EXOC4: variants seen among roughly 807,000 people sequenced by gnomAD.
EXOC4 encodes the protein exocyst complex component 4, also known as SEC8-like 1.
A neutral mutation model predicts 107.2 loss-of-function variants in EXOC4; 71 were observed. That is an observed-to-expected ratio of 0.66 (90% CI 0.55 to 0.81). The LOEUF (loss-of-function observed/expected upper bound fraction) is 0.81. Among genes scored for constraint, EXOC4 ranks in the 30% least tolerant of loss-of-function variants. EXOC4 has a pLI of 0.00. For synonymous variants in EXOC4, 456 were observed against 441.2 expected (o/e 1.03, Z -0.42); for missense variants, 1,108 against 1,189.6 (o/e 0.93, Z 1.01).
intron 11 of EXOC4, among the ~76,000 whole-genome samples, chr7:133,845,350 G>GTA (rs1798103779): frequency 6.7e-6 from 1 of 149,116 alleles, no homozygotes; most frequent in Non-Finnish European, 1.5e-5. Context: ...GTGTGTGTGT[G>GTA]TGTGTGTGTG....
intron 17 of EXOC4, among the ~76,000 whole-genome samples, chr7:134,039,782 C>G (rs868240246): frequency 6.6e-6 from 1 of 152,196 alleles, no homozygotes; most frequent in Admixed American, 6.5e-5. Flanking sequence ...TGATAGCATT[C>G]TCATTCAGGA....
intron 7 of EXOC4, among the ~76,000 whole-genome samples, chr7:133,474,869 G>T (rs959594830): frequency 1.8e-4 from 28 of 151,996 alleles, no homozygotes; most frequent in African/African-American, 5.8e-4. Context: ...TATAATCTGT[G>T]AATTTATCTG....
chr7:133,804,588 A>C (rs1797027962), intron 10 of EXOC4, among the ~76,000 whole-genome samples: 1 of 152,208 alleles, frequency 6.6e-6, no homozygotes, highest in East Asian at 1.9e-4. Flanking sequence ...CCATGGAGCC[A>C]GTTTGTTTCT....
intron 10 of EXOC4, among the ~76,000 whole-genome samples, chr7:133,705,904 CAATT>C (rs1208041015): frequency 5.3e-5 from 8 of 152,132 alleles, no homozygotes; most frequent in African/African-American, 1.9e-4. Flanking sequence ...TTTTGGAACA[CAATT>C]GACTGCAGAT....
At chr7:133,774,405 A>T (rs961240455) in intron 10 of EXOC4, among the ~76,000 whole-genome samples, 1 of 152,176 alleles carries the variant, frequency 6.6e-6, no homozygotes, top group Admixed American at 6.5e-5. Context: ...AAAAGAATGC[A>T]ACCAAAGATG....
intron 1 of EXOC4, chr7:133,253,573 G>A: frequency 9.3e-6 from 9 of 969,336 alleles, no homozygotes; most frequent in Non-Finnish European, 1.1e-5. Context: ...TTGTTTCCTG[G>A]ACTTTGGGGT....
chr7:133,253,533 C>T, intron 1 of EXOC4: 6 of 1,020,590 alleles, frequency 5.9e-6, no homozygotes, highest in Non-Finnish European at 7.0e-6. Context: ...TTATTGTTTG[C>T]CTGTAGCAGC....
chr7:133,972,011 C>T (rs945600069), intron 14 of EXOC4, among the ~76,000 whole-genome samples: 4 of 80 alleles, frequency 0.05, no homozygotes, highest in South Asian at 0.29. Flanking sequence ...ATTTTCTTCC[C>T]ATTCTCTTGA....
At chr7:133,745,150 T>C (rs770956572) in intron 10 of EXOC4, among the ~76,000 whole-genome samples, 1 of 152,128 alleles carries the variant, frequency 6.6e-6, no homozygotes, top group Non-Finnish European at 1.5e-5. Context: ...TTTATTTTTG[T>C]TGCTTCCATT....
intron 9 of EXOC4, among the ~76,000 whole-genome samples, chr7:133,578,046 A>G (rs1285823954): frequency 6.6e-6 from 1 of 152,158 alleles, no homozygotes; most frequent in African/African-American, 2.4e-5. Context: ...CCCCTAATAA[A>G]TAGATGCAAA....
intron 7 of EXOC4, among the ~76,000 whole-genome samples, chr7:133,408,906 A>G (rs1204915043): frequency 2.0e-5 from 3 of 152,212 alleles, no homozygotes; most frequent in Non-Finnish European, 4.4e-5. Flanking sequence ...TGCATATTTC[A>G]GTATCCAACA....
intron 7 of EXOC4, among the ~76,000 whole-genome samples, chr7:133,386,824 A>AG (rs1414931241): frequency 1.6e-5 from 2 of 128,200 alleles, no homozygotes; most frequent in Non-Finnish European, 3.3e-5. Context: ...ATGAAAGGAG[A>AG]GTTTTTTTTT....
chr7:133,447,182 C>T (rs1031674725), intron 7 of EXOC4: 2 of 152,162 alleles, frequency 1.3e-5, no homozygotes, highest in African/African-American at 2.4e-5. Context: ...CCAGTATGTT[C>T]TATAAAATAC....
At chr7:134,016,090 A>G (rs971179479) in intron 17 of EXOC4, among the ~76,000 whole-genome samples, 1 of 152,112 alleles carries the variant, frequency 6.6e-6, no homozygotes, top group African/African-American at 2.4e-5. Flanking sequence ...ACTACAGTCA[A>G]GTAAGATAAG....
In EXOC4 at chr7:133,915,571, G is replaced by T. The variant is rs117888334; in HGVS notation, c.1872-2012G>T. Among the ~76,000 whole-genome samples the T allele has an allele frequency of 4.6e-5, 7 of 152,274 alleles. No individual in the cohort carries two copies. In the East Asian group the frequency reaches 1.2e-3, roughly 25 times the overall value. On this transcript the variant is annotated intron_variant, in intron 12 of 17. Transcript: ENST00000253861. ...TAGCTACTAAGATAAATGGGGAGAT[G>T]AACCTGATCAGAGACAGGTATAAAG...
intron 10 of EXOC4, among the ~76,000 whole-genome samples, chr7:133,755,180 T>C (rs1007296172): frequency 7.0e-6 from 1 of 142,534 alleles, no homozygotes; most frequent in Non-Finnish European, 1.5e-5. Flanking sequence ...CTTCACACTA[T>C]GAAACAGTTA....
intron 14 of EXOC4, among the ~76,000 whole-genome samples, chr7:133,975,464 A>G (rs1054148417): frequency 1.2e-4 from 18 of 152,214 alleles, no homozygotes; most frequent in African/African-American, 4.1e-4. Context: ...GTAAAAATTT[A>G]TAATCTTTAA....
chr7:133,579,917 G>T (rs1180718619), intron 9 of EXOC4, among the ~76,000 whole-genome samples: 1 of 152,056 alleles, frequency 6.6e-6, no homozygotes, highest in African/African-American at 2.4e-5. Flanking sequence ...GGATGGTCTT[G>T]ATCTCTTGAC....
At chr7:133,595,673 A>C (rs1330152799) in intron 9 of EXOC4, among the ~76,000 whole-genome samples, 1 of 152,206 alleles carries the variant, frequency 6.6e-6, no homozygotes, top group Admixed American at 6.5e-5. Context: ...GTGATCAGAG[A>C]GGTTTAGAAA....
Sources: allele counts gnomAD v4.1 joint callset (sites outside exome capture counted in the v4.1 genomes callset), GRCh38; gene constraint gnomAD v4.1.1; transcripts MANE v1.5; gene names NCBI Gene and HGNC (gene_info 2026-07-23, HGNC 2026-07-21).